Variants in MCTP1 observed in about 807,000 individuals in gnomAD.
MCTP1 encodes the protein multiple C2 and transmembrane domain containing 1.
A neutral mutation model predicts 120.6 loss-of-function variants in MCTP1; 69 were observed. The observed-to-expected ratio is 0.57, with a 90% CI of 0.47 to 0.70. MCTP1 has a LOEUF of 0.70. MCTP1 is among the 30% of genes least tolerant of loss of function. The pLI is 0.00. For missense variants in MCTP1, 1,203 were observed against 1,248.8 expected, an observed-to-expected ratio of 0.96 and a Z score of 0.55; for synonymous variants, 529 against 493.1, an observed-to-expected ratio of 1.07 and a Z score of -0.96.
At position 95,130,817 on chromosome 5, in the gene MCTP1, A is replaced by C. The variant is rs550511648; in HGVS notation, c.721-113333T>G. Reference sequence around the variant, plus strand: ...AAAGGTCTTATTTTCAAATACAGTCACATTCTGAAGTGCTGGGGGTTAGGA... The same window carrying C: ...AAAGGTCTTATTTTCAAATACAGTCCCATTCTGAAGTGCTGGGGGTTAGGA... On this transcript the variant is annotated intron_variant, in intron 1 of 22. Coordinates refer to ENST00000515393, the MANE Select transcript of MCTP1 (RefSeq NM_024717.7). 1.1e-3 allele frequency among the ~76,000 whole-genome samples: 167 copies of C among 152,302 alleles called. 1 individual carries two copies. The highest frequency in any genetic ancestry group is 3.8e-3 in the African/African-American group (159 of 41,574).
intron 1 of MCTP1, among the ~76,000 whole-genome samples, chr5:95,265,894 G>A (rs1241578224): frequency 6.6e-6 from 1 of 152,224 alleles, no homozygotes; most frequent in Non-Finnish European, 1.5e-5. Flanking sequence ...GATAATCAGA[G>A]AGAGCTTCTA....
At chr5:95,094,288 A>T (rs1458761689) in intron 1 of MCTP1, among the ~76,000 whole-genome samples, 1 of 152,140 alleles carries the variant, frequency 6.6e-6, no homozygotes, top group African/African-American at 2.4e-5. Context: ...CATGTCCAAG[A>T]TCTTTCTCTT....
At chr5:94,900,811 T>A (rs1805309680) in intron 10 of MCTP1, among the ~76,000 whole-genome samples, 1 of 152,246 alleles carries the variant, frequency 6.6e-6, no homozygotes, top group Non-Finnish European at 1.5e-5. Context: ...TCAGCTTTCC[T>A]CATTTATTGA....
At chr5:94,719,999 G>C (rs1216237525) in intron 19 of MCTP1, among the ~76,000 whole-genome samples, 2 of 152,002 alleles carry the variant, frequency 1.3e-5, no homozygotes, top group African/African-American at 4.8e-5. Context: ...GGTGGTGCAT[G>C]CCTGTAATCC....
At position 94,748,317 on chromosome 5, in the gene MCTP1, A is replaced by G. The variant is rs1400024140; in HGVS notation, c.2610+30793T>C. On this transcript the variant is annotated intron_variant, in intron 19 of 22. Transcript: ENST00000515393. ...AGTTAGGACTCAGAGCTTGCTAAAGAGCACAGGGTGACGACTGTGGAACTA... is the reference window on the plus strand; with the variant it reads ...AGTTAGGACTCAGAGCTTGCTAAAGGGCACAGGGTGACGACTGTGGAACTA... Among the ~76,000 whole-genome samples, 3 of 152,246 alleles carry G rather than the reference A, an allele frequency of 2.0e-5. No homozygotes were observed. In the East Asian group the frequency reaches 5.8e-4, roughly 29 times the overall value.
chr5:95,115,096 A>G (rs1757720924), intron 1 of MCTP1, among the ~76,000 whole-genome samples: 1 of 152,186 alleles, frequency 6.6e-6, no homozygotes, highest in East Asian at 1.9e-4. Context: ...ATATGTAAAT[A>G]TGGCTTAGGT....
At chr5:94,812,133 T>C (rs930270281) in intron 17 of MCTP1, among the ~76,000 whole-genome samples, 1 of 152,304 alleles carries the variant, frequency 6.6e-6, no homozygotes, top group African/African-American at 2.4e-5. Context: ...TCCAGAATAA[T>C]TGAATATTGC....
chr5:94,776,430 C>A (rs989536712), intron 19 of MCTP1, among the ~76,000 whole-genome samples: 3 of 152,080 alleles, frequency 2.0e-5, no homozygotes, highest in Non-Finnish European at 4.4e-5. Context: ...TTCTGTGCCA[C>A]GTAATACCCC....
intron 1 of MCTP1, among the ~76,000 whole-genome samples, chr5:95,233,995 C>G (rs2152658572): frequency 6.6e-6 from 1 of 151,188 alleles, no homozygotes; most frequent in Admixed American, 6.6e-5. Context: ...AAACCTTGAG[C>G]CAGACCAGGC....
At chr5:95,073,202 T>A (rs114248259) in intron 1 of MCTP1, among the ~76,000 whole-genome samples, 1 of 152,180 alleles carries the variant, frequency 6.6e-6, no homozygotes, top group African/African-American at 2.4e-5. Flanking sequence ...TTAGTCTTAA[T>A]TTTTTGTCAG....
intron 1 of MCTP1, among the ~76,000 whole-genome samples, chr5:95,052,249 G>A (rs1746154130): frequency 2.0e-5 from 3 of 152,084 alleles, no homozygotes; most frequent in African/African-American, 7.2e-5. Flanking sequence ...ATTTAAACAG[G>A]TATTTCTCAA....
intron 1 of MCTP1, among the ~76,000 whole-genome samples, chr5:95,212,381 A>C (rs1268363920): frequency 6.6e-6 from 1 of 152,064 alleles, no homozygotes; most frequent in Non-Finnish European, 1.5e-5. Context: ...ACAGCTTACC[A>C]ACCAAAAAGA....
intron 17 of MCTP1, among the ~76,000 whole-genome samples, chr5:94,812,896 T>TTCTC (rs70978132): frequency 0.013 from 1,929 of 147,310 alleles, 26 homozygotes; most frequent in Middle Eastern, 0.038. Context: ...ACCAAAAGCA[T>TTCTC]TCTCTCTCTC....
rs77424392 is a variant in MCTP1 at position 94,787,213 on chromosome 5, C to A, written c.2557-8050G>T. ...ATTACAATAATCAAGAAAAATGTTT[C>A]TTTTAAATATCTATGGATATGACCT... On this transcript the variant is annotated intron_variant, in intron 18 of 22. Transcript: ENST00000515393. Among the ~76,000 whole-genome samples, 913 of 152,278 alleles carry A rather than the reference C, an allele frequency of 6.0e-3. 6 individuals are homozygous for A. Among genetic ancestry groups the A allele is most frequent in the African/African-American group, 0.021 (883 of 41,572 alleles).
At chr5:95,065,712 C>A (rs1022981117) in intron 1 of MCTP1, among the ~76,000 whole-genome samples, 1 of 152,162 alleles carries the variant, frequency 6.6e-6, no homozygotes, top group African/African-American at 2.4e-5. Flanking sequence ...ACTATCATCA[C>A]TTCAATTCAA....
intron 17 of MCTP1, among the ~76,000 whole-genome samples, chr5:94,823,329 G>A (rs1472094324): frequency 1.3e-5 from 2 of 152,054 alleles, no homozygotes; most frequent in African/African-American, 2.4e-5. Flanking sequence ...GCTTTTGTCA[G>A]GTTTGCCAAA....
chr5:94,799,182 T>C, intron 17 of MCTP1, 50 bp from the exon 18 acceptor site: 1 of 1,546,516 alleles, frequency 6.5e-7, no homozygotes, highest in Non-Finnish European at 8.8e-7. Context: ...CTGAATTTCA[T>C]TAAATGGACT....
intron 1 of MCTP1, among the ~76,000 whole-genome samples, chr5:95,055,763 T>C (rs1464967131): frequency 6.6e-6 from 1 of 152,212 alleles, no homozygotes; most frequent in East Asian, 1.9e-4. Context: ...CTTAATATCA[T>C]TAGGCCTCAG....
At chr5:95,168,504 G>T (rs545638351) in intron 1 of MCTP1, among the ~76,000 whole-genome samples, 46 of 152,268 alleles carry the variant, frequency 3.0e-4, no homozygotes, top group African/African-American at 1.1e-3. Context: ...CCATTTTCAC[G>T]ATATTGATTC....
Sources: gnomAD v4.1 joint callset for allele counts (sites outside exome capture counted in the v4.1 genomes callset) on GRCh38, gnomAD v4.1.1 for gene constraint, MANE v1.5 for transcripts, NCBI Gene and HGNC (gene_info 2026-07-23, HGNC 2026-07-21) for gene names.